Variants in SLC14A2 observed in about 807,000 individuals in gnomAD.
The protein encoded by SLC14A2 is solute carrier family 14 member 2, also known as urea transporter 2.
In SLC14A2, 91 loss-of-function variants were observed where a neutral mutation model predicts 104.6. The observed-to-expected ratio is 0.87, with a 90% CI of 0.73 to 1.04. The LOEUF (loss-of-function observed/expected upper bound fraction) is 1.04, where lower values mean the gene tolerates loss of function less well. SLC14A2 is among the 50% of genes least tolerant of loss of function. The pLI is 0.00. For synonymous variants in SLC14A2, 476 were observed against 466.4 expected (o/e 1.02, Z -0.27); for missense variants, 1,189 against 1,156.0 (o/e 1.03, Z -0.41).
intron 1 of SLC14A2, among the ~76,000 whole-genome samples, chr18:45,220,052 A>C (rs80278463): frequency 0.11 from 17,200 of 152,274 alleles, 987 homozygotes; most frequent in Non-Finnish European, 0.12. Context: ...TTTCTGACAG[A>C]CAGTAGGCAT....
intron 18 of SLC14A2, among the ~76,000 whole-genome samples, chr18:45,676,326 G>C (rs529712486): frequency 6.6e-6 from 1 of 152,146 alleles, no homozygotes; most frequent in African/African-American, 2.4e-5. Context: ...AGGTGGCTGC[G>C]TCCAGACCGT....
intron 1 of SLC14A2, among the ~76,000 whole-genome samples, chr18:45,315,790 A>G (rs17742920): frequency 0.047 from 7,189 of 152,290 alleles, 243 homozygotes; most frequent in South Asian, 0.13. Context: ...CCTGAAGTTC[A>G]TTTGTAGCTG....
intron 1 of SLC14A2, among the ~76,000 whole-genome samples, chr18:45,293,117 C>T (rs2084886160): frequency 6.6e-6 from 1 of 152,166 alleles, no homozygotes; most frequent in South Asian, 2.1e-4. Flanking sequence ...AAAAGGAGAA[C>T]TCTAAACATA....
intron 1 of SLC14A2, among the ~76,000 whole-genome samples, chr18:45,295,357 C>G (rs1599651425): frequency 6.6e-6 from 1 of 151,908 alleles, no homozygotes; most frequent in African/African-American, 2.4e-5. Flanking sequence ...TGTTCACAGT[C>G]CTCTAAGTCC....
chr18:45,432,011 T>C (rs115749927), intron 1 of SLC14A2, among the ~76,000 whole-genome samples: 150 of 152,304 alleles, frequency 9.8e-4, no homozygotes, highest in African/African-American at 3.6e-3. Flanking sequence ...CCCTGGTTTA[T>C]GTAGTCAAAG....
chr18:45,406,955 A>G (rs2086161803), intron 1 of SLC14A2, among the ~76,000 whole-genome samples: 1 of 152,156 alleles, frequency 6.6e-6, no homozygotes, highest in African/African-American at 2.4e-5. Context: ...TTGATTTAGC[A>G]TAATTCTTAA....
rs1406285111 is a variant in SLC14A2 at position 45,637,490 on chromosome 18, TG to T, written c.843+309del. Among the ~76,000 whole-genome samples, 8 of 152,308 alleles carry T rather than the reference TG, an allele frequency of 5.3e-5. No homozygotes were observed. The East Asian group carries it at 1.5e-3, about 29-fold the overall frequency. On this transcript the variant is annotated intron_variant, in intron 6 of 19. Transcript: ENST00000255226. ...AACATGCAAGTGAACAGATAAGCGT[TG>T]ACAGTACAGAACTGTGGTGGTTGAG...
At chr18:45,398,605 A>C (rs766274989) in intron 1 of SLC14A2, among the ~76,000 whole-genome samples, 1 of 152,208 alleles carries the variant, frequency 6.6e-6, no homozygotes, top group East Asian at 1.9e-4. Flanking sequence ...ATAATAAAAT[A>C]GTATTCAGCC....
upstream of SLC14A2, among the ~76,000 whole-genome samples, chr18:45,610,746 G>A (rs1398630485): frequency 1.3e-5 from 2 of 152,184 alleles, no homozygotes; most frequent in Non-Finnish European, 2.9e-5. Flanking sequence ...GGTCTAGTGT[G>A]GCCACACACA....
chr18:45,492,208 C>T (rs969295424), intron 2 of SLC14A2: 7 of 152,192 alleles, frequency 4.6e-5, no homozygotes, highest in African/African-American at 1.7e-4. Context: ...AAACTTCTTT[C>T]CTGGAGGCCC....
chr18:45,676,184 G>A (rs1261093643), intron 18 of SLC14A2, among the ~76,000 whole-genome samples: 1 of 152,126 alleles, frequency 6.6e-6, no homozygotes, highest in Non-Finnish European at 1.5e-5. Flanking sequence ...AAAATTAAAA[G>A]TCTGAATGCT....
intron 1 of SLC14A2, among the ~76,000 whole-genome samples, chr18:45,234,839 G>A (rs532555242): frequency 1.3e-5 from 2 of 151,766 alleles, no homozygotes; most frequent in South Asian, 2.1e-4. Flanking sequence ...ATTATTTAGC[G>A]CCTTTTTTTT....
intron 1 of SLC14A2, among the ~76,000 whole-genome samples, chr18:45,381,794 C>T (rs2144383398): frequency 6.6e-6 from 1 of 152,212 alleles, no homozygotes; most frequent in South Asian, 2.1e-4. Context: ...AAGAGATCCA[C>T]AGCCTGCAAA....
chr18:45,535,575 T>TG (rs975373237), intron 2 of SLC14A2, among the ~76,000 whole-genome samples: 2 of 152,138 alleles, frequency 1.3e-5, no homozygotes, highest in Non-Finnish European at 2.9e-5. Context: ...GAAGGAATAA[T>TG]GGGGCTGGGA....
chr18:45,435,336 A>G (rs927215932), intron 1 of SLC14A2: 2 of 152,220 alleles, frequency 1.3e-5, no homozygotes, highest in Non-Finnish European at 2.9e-5. Context: ...CTCAAAGGCA[A>G]AGGAAATGAG....
chr18:45,665,334 G>C (rs542646442), intron 11 of SLC14A2, among the ~76,000 whole-genome samples: 1 of 152,144 alleles, frequency 6.6e-6, no homozygotes, highest in Non-Finnish European at 1.5e-5. Context: ...ACTTCCAGGG[G>C]CCTGAACATC....
intron 1 of SLC14A2, among the ~76,000 whole-genome samples, chr18:45,250,755 C>CTTTTTT (rs67864793): frequency 1.4e-3 from 136 of 93,878 alleles, no homozygotes; most frequent in African/African-American, 2.4e-3. Context: ...TGGCTTCTTC[C>CTTTTTT]TTTTTTTTTT....
At chr18:45,357,076 T>C (rs1036522225) in intron 1 of SLC14A2, among the ~76,000 whole-genome samples, 6 of 152,036 alleles carry the variant, frequency 3.9e-5, no homozygotes, top group Admixed American at 1.3e-4. Flanking sequence ...GGGACTTTTA[T>C]TGGGGATGTT....
At chr18:45,530,799 T>C (rs2043673020) in intron 2 of SLC14A2, among the ~76,000 whole-genome samples, 1 of 152,116 alleles carries the variant, frequency 6.6e-6, no homozygotes, top group South Asian at 2.1e-4. Flanking sequence ...GCTGAACCCA[T>C]TAACTCGTCA....
Sources: allele counts gnomAD v4.1 joint callset (sites outside exome capture counted in the v4.1 genomes callset), GRCh38; gene constraint gnomAD v4.1.1; transcripts MANE v1.5; gene names NCBI Gene and HGNC (gene_info 2026-07-23, HGNC 2026-07-21).